ANKH: variants seen among roughly 807,000 people sequenced by gnomAD.
ANKH encodes mineralization regulator ANKH.
ANKH carries 15 observed loss-of-function variants against 49.0 expected under a neutral mutation model. The observed-to-expected ratio is 0.31, with a 90% CI of 0.20 to 0.47. The LOEUF is 0.47. Among genes scored for constraint, ANKH ranks in the 20% least tolerant of loss-of-function variants. The pLI is 1.00. For missense variants in ANKH, 429 were observed against 652.0 expected, an observed-to-expected ratio of 0.66 and a Z score of 3.72; for synonymous variants, 273 against 260.0, an observed-to-expected ratio of 1.05 and a Z score of -0.48.
intron 2 of ANKH, among the ~76,000 whole-genome samples, chr5:14,763,235 A>G (rs1319514465): frequency 6.6e-6 from 1 of 152,248 alleles, no homozygotes; most frequent in Admixed American, 6.5e-5. Context: ...TCAATGTTTA[A>G]AAGTCTCACA....
At chr5:14,849,905 C>G (rs1184675076) in intron 1 of ANKH, among the ~76,000 whole-genome samples, 1 of 152,054 alleles carries the variant, frequency 6.6e-6, no homozygotes, top group Non-Finnish European at 1.5e-5. Context: ...GGTCAGGAGC[C>G]TTCCTCTGCA....
At chr5:14,811,358 C>T (rs912677078) in intron 1 of ANKH, among the ~76,000 whole-genome samples, 1 of 152,204 alleles carries the variant, frequency 6.6e-6, no homozygotes, top group Non-Finnish European at 1.5e-5. Context: ...TCTCTGACCT[C>T]TCCACTGGCC....
At chr5:14,796,489 AAC>A (rs869247719) in intron 1 of ANKH, among the ~76,000 whole-genome samples, 1 of 151,522 alleles carries the variant, frequency 6.6e-6, no homozygotes, top group South Asian at 2.1e-4. Flanking sequence ...AAAAAAAAAA[AAC>A]ACCATTTCAC....
intron 8 of ANKH, among the ~76,000 whole-genome samples, chr5:14,735,793 C>A (rs369962044): frequency 6.6e-6 from 1 of 152,146 alleles, no homozygotes; most frequent in Non-Finnish European, 1.5e-5. Flanking sequence ...CCCTACTCAC[C>A]TACCAGAACC....
chr5:14,721,940 A>C (rs2126427955), intron 8 of ANKH, among the ~76,000 whole-genome samples: 2 of 148,112 alleles, frequency 1.4e-5, no homozygotes, highest in Non-Finnish European at 3.0e-5. Flanking sequence ...AAAAAAAAAA[A>C]AAAAAAAAAA....
In ANKH at chr5:14,758,389, C is replaced by T. The variant is rs1738969443; in HGVS notation, c.432+91G>A. ...ACTTCCTGCCATTAAGCTGTACACACAAAAATAGCTAAAATGGTAGATTTT... is the reference window on the plus strand; with the variant it reads ...ACTTCCTGCCATTAAGCTGTACACATAAAAATAGCTAAAATGGTAGATTTT... On this transcript the variant is annotated intron_variant, in intron 3 of 11. Coordinates refer to ENST00000284268, the MANE Select transcript of ANKH (RefSeq NM_054027.6). The T allele has an allele frequency of 2.9e-6, 3 of 1,035,114 alleles. No homozygotes were observed. The South Asian group carries it at 4.0e-5, about 14-fold the overall frequency. The allele number at this position is 1,035,114 out of a possible 1,614,324, so 64.1% of individuals were successfully genotyped here. A position where few individuals can be genotyped will look rare whatever the true frequency, so the allele number is the denominator to read the frequency against.
chr5:14,855,272 G>C (rs943233561), intron 1 of ANKH, among the ~76,000 whole-genome samples: 22 of 152,166 alleles, frequency 1.4e-4, no homozygotes, highest in Non-Finnish European at 2.9e-4. Flanking sequence ...TCCCAGCCTT[G>C]GTCCTATTTC....
At chr5:14,721,929 CAAAAA>C (rs35821509) in intron 8 of ANKH, among the ~76,000 whole-genome samples, 6 of 59,466 alleles carry the variant, frequency 1.0e-4, no homozygotes, top group African/African-American at 2.8e-4. Flanking sequence ...GACTCCGTCT[CAAAAA>C]AAAAAAAAAA....
intron 1 of ANKH, among the ~76,000 whole-genome samples, chr5:14,811,667 T>C (rs1224886789): frequency 1.3e-5 from 2 of 152,238 alleles, no homozygotes; most frequent in East Asian, 3.8e-4. Flanking sequence ...CAATTTCAGA[T>C]GAAACCTCAA....
chr5:14,777,234 C>T (rs1739654955), intron 1 of ANKH, among the ~76,000 whole-genome samples: 2 of 152,034 alleles, frequency 1.3e-5, no homozygotes, highest in Non-Finnish European at 2.9e-5. Flanking sequence ...TGCAGTGAGC[C>T]GAGATTGCGC....
chr5:14,788,756 A>AG lies in ANKH; in HGVS notation c.97-19566dup, dbSNP rs1554006071. On this transcript the variant is annotated intron_variant, in intron 1 of 11. Coordinates refer to ENST00000284268, the MANE Select transcript of ANKH (RefSeq NM_054027.6). ...GTAACAAAGGCTAAGACAGAAACACAGGGGGATAGCTACACAAGTCACACA... is the reference window on the plus strand; with the variant it reads ...GTAACAAAGGCTAAGACAGAAACACAGGGGGGATAGCTACACAAGTCACACA... 4.6e-5 allele frequency among the ~76,000 whole-genome samples: 7 copies of AG among 152,330 alleles called. No individual in the cohort carries two copies. In the South Asian group the frequency reaches 1.4e-3, roughly 32 times the overall value.
intron 1 of ANKH, among the ~76,000 whole-genome samples, chr5:14,823,114 C>T (rs1464629393): frequency 6.6e-6 from 1 of 151,978 alleles, no homozygotes; most frequent in African/African-American, 2.4e-5. Flanking sequence ...AATTTTATAA[C>T]ACTAAATAAA....
intron 1 of ANKH, among the ~76,000 whole-genome samples, chr5:14,829,487 T>G (rs1741444105): frequency 6.6e-6 from 1 of 152,168 alleles, no homozygotes; most frequent in Admixed American, 6.5e-5. Flanking sequence ...GGTTCTGAGA[T>G]ATGAAAGAAA....
intron 1 of ANKH, among the ~76,000 whole-genome samples, chr5:14,804,936 G>C (rs1561063509): frequency 6.6e-6 from 1 of 152,280 alleles, no homozygotes; most frequent in South Asian, 2.1e-4. Flanking sequence ...GTATTTGTAT[G>C]GCAGCTTGAG....
chr5:14,815,628 C>A (rs1453487199), intron 1 of ANKH, among the ~76,000 whole-genome samples: 1 of 152,148 alleles, frequency 6.6e-6, no homozygotes, highest in East Asian at 1.9e-4. Context: ...TCATGGATGA[C>A]AAAGTACTCG....
chr5:14,793,047 TAA>T (rs1554006448), intron 1 of ANKH, among the ~76,000 whole-genome samples: 37 of 64,654 alleles, frequency 5.7e-4, no homozygotes, highest in African/African-American at 1.5e-3. Flanking sequence ...AATATATATA[TAA>T]ATATATATAA....
At chr5:14,715,031 A>T (rs10491477) in intron 9 of ANKH, among the ~76,000 whole-genome samples, 1 of 152,158 alleles carries the variant, frequency 6.6e-6, no homozygotes, top group Non-Finnish European at 1.5e-5. Flanking sequence ...TCTTCCAGCC[A>T]TTTCTCCATT....
At chr5:14,773,344 C>T (rs1052751531) in intron 1 of ANKH, among the ~76,000 whole-genome samples, 85 of 122,202 alleles carry the variant, frequency 7.0e-4, no homozygotes, top group African/African-American at 2.4e-3. Context: ...GTCTTCTTGG[C>T]AAAGCATTCT....
intron 1 of ANKH, among the ~76,000 whole-genome samples, chr5:14,820,470 A>G (rs1438976494): frequency 6.6e-6 from 1 of 152,248 alleles, no homozygotes; most frequent in Non-Finnish European, 1.5e-5. Flanking sequence ...GGAGAATGAC[A>G]GCCAACAAGC....
Sources: gnomAD v4.1 joint callset for allele counts (sites outside exome capture counted in the v4.1 genomes callset) on GRCh38, gnomAD v4.1.1 for gene constraint, MANE v1.5 for transcripts, NCBI Gene and HGNC (gene_info 2026-07-23, HGNC 2026-07-21) for gene names.